The following GPC3 variants were observed in gnomAD, a reference collection of about 807,000 sequenced individuals.
GPC3 encodes glypican-3.
Under a neutral mutation model 34.4 loss-of-function variants are expected in GPC3, and 3 were observed. The observed-to-expected ratio is 0.09, with a 90% CI of 0.04 to 0.23. The LOEUF (loss-of-function observed/expected upper bound fraction) is 0.23, where lower values mean the gene tolerates loss of function less well. Ranked by LOEUF, GPC3 falls within the 10% of genes least tolerant of loss-of-function variation. GPC3 has a pLI of 1.00. For synonymous variants in GPC3, 177 were observed against 174.0 expected (o/e 1.02, Z -0.13); for missense variants, 351 against 445.6 (o/e 0.79, Z 1.91).
At chrX:133,708,321 C>T (rs1423453951) in intron 3 of GPC3, among the ~76,000 whole-genome samples, 1 of 111,745 alleles carries the variant, frequency 8.9e-6, no homozygotes, top group East Asian at 2.8e-4. Flanking sequence ...TTGCACAGAA[C>T]ACTTTTTAAA....
Position 133,777,506 on chromosome X carries a change from G to A in GPC3, c.338-23330C>T, listed in dbSNP as rs181957563. On this transcript the variant is annotated intron_variant, in intron 2 of 7. Transcript: ENST00000370818. ...CCTGATACCCCAAATTCTGGTTTCA[G>A]AATACAAAAGCCCATCATGAAACTA... 3.6e-3 allele frequency among the ~76,000 whole-genome samples: 399 copies of A among 111,448 alleles called. 3 individuals are homozygous for A. Among genetic ancestry groups the A allele is most frequent in the Non-Finnish European group, 5.8e-3 (307 of 53,128 alleles).
intron 6 of GPC3, among the ~76,000 whole-genome samples, chrX:133,612,856 C>A (rs1360899712): frequency 8.9e-6 from 1 of 112,174 alleles, no homozygotes. Flanking sequence ...ATATGACTTC[C>A]CCTTTGGTAA....
intron 1 of GPC3, among the ~76,000 whole-genome samples, chrX:133,965,538 G>A (rs2076459756): frequency 9.0e-6 from 1 of 111,496 alleles, no homozygotes; most frequent in Non-Finnish European, 1.9e-5. Context: ...CGGAAGAGGC[G>A]AGGAATGATT....
chrX:133,814,713 A>T (rs983857255), intron 2 of GPC3, among the ~76,000 whole-genome samples: 1 of 110,418 alleles, frequency 9.1e-6, no homozygotes, highest in Non-Finnish European at 1.9e-5. Flanking sequence ...GTTTACAGGC[A>T]TACACCACCA....
chrX:133,782,592 TTC>T (rs2072059461), intron 2 of GPC3, among the ~76,000 whole-genome samples: 1 of 111,956 alleles, frequency 8.9e-6, no homozygotes, highest in Admixed American at 9.5e-5. Context: ...GTCCCTTTCC[TTC>T]TCTGTTCCTA....
At chrX:133,582,768 C>T (rs1440239073) in intron 7 of GPC3, among the ~76,000 whole-genome samples, 1 of 111,591 alleles carries the variant, frequency 9.0e-6, no homozygotes, top group Non-Finnish European at 1.9e-5. Context: ...TTGAGATGCA[C>T]TGGTCTATTC....
At chrX:133,867,608 G>A (rs1288577920) in intron 2 of GPC3, among the ~76,000 whole-genome samples, 1 of 108,895 alleles carries the variant, frequency 9.2e-6, no homozygotes, top group Non-Finnish European at 1.9e-5. Context: ...GGGAAATACT[G>A]GGTCGGAGAG....
chrX:133,677,989 G>A (rs1409878732), intron 5 of GPC3, among the ~76,000 whole-genome samples: 1 of 111,132 alleles, frequency 9.0e-6, no homozygotes, highest in Non-Finnish European at 1.9e-5. Flanking sequence ...AGGTGAGAAG[G>A]CTTTAAACCT....
At chrX:133,630,686 T>C (rs913293854) in intron 6 of GPC3, among the ~76,000 whole-genome samples, 1 of 111,821 alleles carries the variant, frequency 8.9e-6, no homozygotes, top group Non-Finnish European at 1.9e-5. Flanking sequence ...AGCAGAGATC[T>C]GAGAGGTGCT....
chrX:133,814,419 A>G (rs1439953712), intron 2 of GPC3, among the ~76,000 whole-genome samples: 2 of 111,323 alleles, frequency 1.8e-5, no homozygotes, highest in Non-Finnish European at 3.8e-5. Context: ...GCTCACTAGG[A>G]GAGACAAACA....
chrX:133,917,875 A>C (rs1000502193), intron 2 of GPC3, among the ~76,000 whole-genome samples: 4 of 111,743 alleles, frequency 3.6e-5, no homozygotes, highest in Non-Finnish European at 7.5e-5. Flanking sequence ...CAGCTGCTCT[A>C]TCCCTTTGAG....
At chrX:133,648,197 C>A (rs1028713902) in intron 6 of GPC3, among the ~76,000 whole-genome samples, 1 of 111,436 alleles carries the variant, frequency 9.0e-6, no homozygotes, top group Non-Finnish European at 1.9e-5. Context: ...GGGCTGCATA[C>A]GGCTCAGGAC....
In GPC3 at chrX:133,827,756, C is replaced by T. The variant is rs138529398; in HGVS notation, c.338-73580G>A. The stretch of plus-strand genomic sequence containing the variant: ...CGAGATCACGCCACTGCACTCCAGC[C>T]TAGGCAACAGAGTGAGACTCCATCT... On this transcript the variant is annotated intron_variant, in intron 2 of 7. Transcript: ENST00000370818. 4.3e-3 allele frequency among the ~76,000 whole-genome samples: 465 copies of T among 108,965 alleles called. 3 individuals are homozygous for T. The highest frequency in any genetic ancestry group is 0.015 in the African/African-American group (454 of 29,796). 94.6% of individuals were successfully genotyped at this position (108,965 alleles called of 115,157 possible).
chrX:133,597,529 G>T lies in GPC3; in HGVS notation c.1414-930C>A, dbSNP rs116464879. Among the ~76,000 whole-genome samples, 477 of 111,769 alleles carry T rather than the reference G, an allele frequency of 4.3e-3. 8 individuals are homozygous for T. The highest frequency in any genetic ancestry group is 0.015 in the African/African-American group (458 of 30,741). On this transcript the variant is annotated intron_variant, in intron 6 of 7. Transcript: ENST00000370818. Reference sequence around the variant, plus strand: ...AAGATTCTGGATATACAGAAACTGAGATCTTTGTGATTGTGGAAGAGGTAT... The same window carrying T: ...AAGATTCTGGATATACAGAAACTGATATCTTTGTGATTGTGGAAGAGGTAT...
intron 2 of GPC3, among the ~76,000 whole-genome samples, chrX:133,856,192 A>G (rs2075900364): frequency 8.9e-6 from 1 of 111,891 alleles, no homozygotes; most frequent in Admixed American, 9.5e-5. Flanking sequence ...TGGAATCTCC[A>G]TACTGTTTTC....
chrX:133,883,423 T>G (rs1207906323), intron 2 of GPC3, among the ~76,000 whole-genome samples: 1 of 112,033 alleles, frequency 8.9e-6, no homozygotes, highest in Non-Finnish European at 1.9e-5. Flanking sequence ...AATAAGATTC[T>G]TAATACAACA....
chrX:133,827,644 G>A (rs764650593), intron 2 of GPC3, among the ~76,000 whole-genome samples: 7 of 110,794 alleles, frequency 6.3e-5, no homozygotes, highest in Admixed American at 1.9e-4. Context: ...TTAGCTGGGC[G>A]TGGTGACACA....
intron 5 of GPC3, among the ~76,000 whole-genome samples, chrX:133,684,782 A>G (rs1603223835): frequency 9.0e-6 from 1 of 111,473 alleles, no homozygotes; most frequent in East Asian, 2.8e-4. Flanking sequence ...AGCGATGTAT[A>G]GCAACTGCTG....
At chrX:133,809,209 C>T (rs1250929076) in intron 2 of GPC3, among the ~76,000 whole-genome samples, 2 of 112,173 alleles carry the variant, frequency 1.8e-5, no homozygotes, top group Non-Finnish European at 1.9e-5. Context: ...CAATCCACAG[C>T]TATATTTATG....
Sources: gnomAD v4.1 joint callset for allele counts (sites outside exome capture counted in the v4.1 genomes callset) on GRCh38, gnomAD v4.1.1 for gene constraint, MANE v1.5 for transcripts, NCBI Gene and HGNC (gene_info 2026-07-23, HGNC 2026-07-21) for gene names.